The following PDE3B variants were observed in gnomAD, a reference collection of about 807,000 sequenced individuals.
PDE3B encodes phosphodiesterase 3B.
In PDE3B, 66 loss-of-function variants were observed where a neutral mutation model predicts 116.8. The ratio of observed to expected loss-of-function variants is 0.56; its 90% CI spans 0.46 to 0.69. PDE3B has a LOEUF of 0.69. Among genes scored for constraint, PDE3B ranks in the 30% least tolerant of loss-of-function variants. The pLI is 0.00. For synonymous variants in PDE3B, 595 were observed against 533.6 expected (o/e 1.12, Z -1.59); for missense variants, 1,384 against 1,368.1 (o/e 1.01, Z -0.18).
chr11:14,779,857 A>G (rs1431831316), intron 2 of PDE3B, among the ~76,000 whole-genome samples: 3 of 152,156 alleles, frequency 2.0e-5, no homozygotes, highest in Admixed American at 6.5e-5. Flanking sequence ...TGCTCCAATT[A>G]AAAGACACAG....
chr11:14,892,438 C>G, the PDE3B span, among the ~76,000 whole-genome samples: 2 of 152,192 alleles, frequency 1.3e-5, no homozygotes, highest in Non-Finnish European at 2.9e-5. Context: ...GGTGGCGCGG[C>G]TCTAGGCGGA....
chr11:14,839,107 A>C (rs1231887749), intron 11 of PDE3B, among the ~76,000 whole-genome samples: 1 of 152,206 alleles, frequency 6.6e-6, no homozygotes, highest in African/African-American at 2.4e-5. Context: ...AGCCAGAGTT[A>C]GGGGCCTATG....
intron 1 of PDE3B, chr11:14,674,132 G>C (rs1565086150): frequency 2.1e-6 from 3 of 1,449,210 alleles, no homozygotes; most frequent in Non-Finnish European, 2.9e-6. Flanking sequence ...TCAACAGTAG[G>C]ATCTACCCGG....
At chr11:14,684,654 A>G (rs1007047013) in intron 1 of PDE3B, among the ~76,000 whole-genome samples, 6 of 152,158 alleles carry the variant, frequency 3.9e-5, no homozygotes, top group South Asian at 2.1e-4. Flanking sequence ...GAACCAGGGC[A>G]TATTTCAGTC....
At chr11:14,831,099 A>G (rs1859869557) in intron 8 of PDE3B, among the ~76,000 whole-genome samples, 1 of 151,708 alleles carries the variant, frequency 6.6e-6, no homozygotes, top group South Asian at 2.1e-4. Context: ...TATATAAAAT[A>G]TATTATTTTC....
intron 1 of PDE3B, among the ~76,000 whole-genome samples, chr11:14,700,103 T>A (rs1161355751): frequency 6.6e-6 from 1 of 151,790 alleles, no homozygotes; most frequent in Non-Finnish European, 1.5e-5. Flanking sequence ...TGCTGGTCTT[T>A]TTCCTTCTCT....
intron 1 of PDE3B, among the ~76,000 whole-genome samples, chr11:14,656,834 C>T (rs766362428): frequency 6.6e-6 from 1 of 152,114 alleles, no homozygotes; most frequent in Non-Finnish European, 1.5e-5. Context: ...TTCTCTAAAT[C>T]AATGGTAAAA....
intron 1 of PDE3B, among the ~76,000 whole-genome samples, chr11:14,668,004 T>G (rs2133775554): frequency 6.6e-6 from 1 of 152,040 alleles, no homozygotes; most frequent in Middle Eastern, 3.4e-3. Context: ...GAAATACATT[T>G]TGGCCAAAAG....
At chr11:14,680,207 C>A (rs906366547) in intron 1 of PDE3B, among the ~76,000 whole-genome samples, 1 of 152,212 alleles carries the variant, frequency 6.6e-6, no homozygotes, top group African/African-American at 2.4e-5. Flanking sequence ...AGGCCTAGTA[C>A]TAAGCCCTCC....
At chr11:14,645,474 A>G (rs1418632911) in intron 1 of PDE3B, among the ~76,000 whole-genome samples, 1 of 152,214 alleles carries the variant, frequency 6.6e-6, no homozygotes, top group Non-Finnish European at 1.5e-5. Flanking sequence ...AAAATAACAT[A>G]CAGCCTTTAG....
At chr11:14,839,787 T>C (rs757814942) in intron 11 of PDE3B, among the ~76,000 whole-genome samples, 6 of 152,178 alleles carry the variant, frequency 3.9e-5, no homozygotes, top group Admixed American at 6.5e-5. Context: ...GATGAGATAA[T>C]GATGAATAGC....
At chr11:14,661,193 C>G (rs1451347153) in intron 1 of PDE3B, among the ~76,000 whole-genome samples, 1 of 152,228 alleles carries the variant, frequency 6.6e-6, no homozygotes, top group African/African-American at 2.4e-5. Context: ...GATTATAAAT[C>G]ATGCTGCTAT....
intron 1 of PDE3B, among the ~76,000 whole-genome samples, chr11:14,734,942 T>C (rs992257605): frequency 1.3e-5 from 2 of 152,224 alleles, no homozygotes; most frequent in Non-Finnish European, 2.9e-5. Flanking sequence ...AAAATATCTT[T>C]TATAGCTTTC....
At chr11:14,794,566 G>A (rs1033238688) in intron 4 of PDE3B, among the ~76,000 whole-genome samples, 1 of 151,890 alleles carries the variant, frequency 6.6e-6, no homozygotes, top group Non-Finnish European at 1.5e-5. Flanking sequence ...TGCCTGCCTC[G>A]GCCTCCCAAA....
rs188480917 is a variant in PDE3B at position 14,764,324 on chromosome 11, C to G, written c.979-7613C>G. 7.2e-3 allele frequency among the ~76,000 whole-genome samples: 1,097 copies of G among 152,164 alleles called. 8 individuals are homozygous for G. Among genetic ancestry groups the G allele is most frequent in the South Asian group, 0.016 (77 of 4,818 alleles). On this transcript the variant is annotated intron_variant, in intron 1 of 15. Coordinates refer to ENST00000282096, the MANE Select transcript of PDE3B (RefSeq NM_000922.4). ...TCCATTGGCTAAATGTAAGCAGAAA[C>G]CAGCTGCAAGGCTTCTTAGGTGTTG... is the stretch of plus-strand genomic sequence containing the variant.
chr11:14,711,672 C>T (rs558688251), intron 1 of PDE3B, among the ~76,000 whole-genome samples: 8 of 152,302 alleles, frequency 5.3e-5, no homozygotes, highest in Admixed American at 1.3e-4. Flanking sequence ...AACCCGCCCC[C>T]ATGACCTAAA....
At chr11:14,781,588 A>C (rs1858003641) in intron 2 of PDE3B, among the ~76,000 whole-genome samples, 1 of 152,224 alleles carries the variant, frequency 6.6e-6, no homozygotes, top group African/African-American at 2.4e-5. Flanking sequence ...GATGCAGAAA[A>C]GGCCTTTGAC....
chr11:14,888,647 A>G, the PDE3B span, among the ~76,000 whole-genome samples: 4 of 152,194 alleles, frequency 2.6e-5, no homozygotes, highest in South Asian at 2.1e-4. Context: ...ATTTAACACT[A>G]TCTTGAACCA....
At chr11:14,743,417 A>G (rs544201479) in intron 1 of PDE3B, among the ~76,000 whole-genome samples, 30 of 152,310 alleles carry the variant, frequency 2.0e-4, no homozygotes, top group African/African-American at 6.7e-4. Flanking sequence ...TCCCCCACCA[A>G]GTTGGAGCAT....
Sources: gnomAD v4.1 joint callset for allele counts (sites outside exome capture counted in the v4.1 genomes callset) on GRCh38, gnomAD v4.1.1 for gene constraint, MANE v1.5 for transcripts, NCBI Gene and HGNC (gene_info 2026-07-23, HGNC 2026-07-21) for gene names.